TGM2: variants seen among roughly 807,000 people sequenced by gnomAD.
TGM2 encodes the protein transglutaminase 2.
In TGM2, 53 loss-of-function variants were observed where a neutral mutation model predicts 75.6. The ratio of observed to expected loss-of-function variants is 0.70; its 90% CI spans 0.56 to 0.88. The LOEUF (loss-of-function observed/expected upper bound fraction) is 0.88. Among genes scored for constraint, TGM2 ranks in the 40% least tolerant of loss-of-function variants. The pLI is 0.00. For synonymous variants in TGM2, 374 were observed against 381.1 expected (o/e 0.98, Z 0.22); for missense variants, 842 against 928.5 (o/e 0.91, Z 1.21).
At chr20:38,143,573 A>G (rs1427755947) in intron 6 of TGM2, among the ~76,000 whole-genome samples, 5 of 152,148 alleles carry the variant, frequency 3.3e-5, no homozygotes, top group Non-Finnish European at 5.9e-5. Flanking sequence ...AGAGGCGAGG[A>G]GCACAGGGGA....
At chr20:38,151,851 T>C (rs1003370069) in intron 3 of TGM2, among the ~76,000 whole-genome samples, 1 of 152,146 alleles carries the variant, frequency 6.6e-6, no homozygotes, top group African/African-American at 2.4e-5. Context: ...GGGCATTTAG[T>C]TGTCTGTGGC....
intron 8 of TGM2, 134 bp from the exon 9 acceptor site, chr20:38,139,788 TC>T: frequency 1.7e-6 from 2 of 1,197,166 alleles, no homozygotes; most frequent in Non-Finnish European, 2.3e-6. Flanking sequence ...GGACTCCACT[TC>T]CAGGAGGGCA....
At chr20:38,152,429 T>C (rs1420536855) in intron 3 of TGM2, among the ~76,000 whole-genome samples, 1 of 152,218 alleles carries the variant, frequency 6.6e-6, no homozygotes, top group Non-Finnish European at 1.5e-5. Context: ...TGAACTATAA[T>C]GGCTCTGCAG....
At chr20:38,130,729 G>A (rs1271398491) in intron 12 of TGM2, among the ~76,000 whole-genome samples, 1 of 152,246 alleles carries the variant, frequency 6.6e-6, no homozygotes, top group Non-Finnish European at 1.5e-5. Context: ...TCGTATGTAT[G>A]TGTGCAGCTA....
intron 2 of TGM2, among the ~76,000 whole-genome samples, chr20:38,158,042 C>T (rs1022030214): frequency 2.0e-5 from 3 of 152,150 alleles, no homozygotes; most frequent in South Asian, 4.1e-4. Context: ...CCTCAGTTTA[C>T]GCCTGTGGTC....
rs747555310 is a variant in TGM2, at chr20:38,132,536, A to G, written c.1616-36T>C. The G allele has an allele frequency of 1.9e-6, 3 of 1,613,146 alleles. No individual in the cohort carries two copies. The African/African-American group carries it at 4.0e-5, about 22-fold the overall frequency. ...GGAGAAAGGAGGGTGCTCATGATGC[A>G]GAATCACCCCTCCCAACTCTCTTGC... On this transcript the variant is annotated intron_variant, in intron 10 of 12. Coordinates refer to ENST00000361475, the MANE Select transcript of TGM2 (RefSeq NM_004613.4).
At chr20:38,156,432 TC>T (rs1409374833) in intron 2 of TGM2, among the ~76,000 whole-genome samples, 2 of 152,260 alleles carry the variant, frequency 1.3e-5, no homozygotes. Context: ...AGCCCATCCC[TC>T]TCTCTGGGAT....
Position 38,132,484 on chromosome 20 carries a change from A to G in TGM2, c.1632T>C (p.Leu544=), listed in dbSNP as rs139696620. ...LEPFSEKSVP[L]CILYEKYRDC... ...CACGGTATTTCTCATAGAGGATGCA[A>G]AGAGGAACGCTCTTCTCTGCAGAAG... The change falls in exon 11 of 13, where the codon CTT becomes CTC. Residue 544 remains leucine, a synonymous_variant. Coordinates refer to ENST00000361475, the MANE Select transcript of TGM2 (RefSeq NM_004613.4). The G allele has an allele frequency of 4.9e-4, 796 of 1,614,104 alleles. No homozygotes were observed. The highest frequency in any genetic ancestry group is 1.0e-3 in the Admixed American group (60 of 60,016).
At chr20:38,160,301 C>T (rs2075238280) in intron 2 of TGM2, among the ~76,000 whole-genome samples, 1 of 152,242 alleles carries the variant, frequency 6.6e-6, no homozygotes. Context: ...ATGGCTGCCA[C>T]CAGAAACCAG....
At chr20:38,152,677 T>C (rs571462786) in intron 3 of TGM2, among the ~76,000 whole-genome samples, 1 of 152,314 alleles carries the variant, frequency 6.6e-6, no homozygotes, top group African/African-American at 2.4e-5. Context: ...AGGGTCCCAT[T>C]TTCCAGGCAG....
In TGM2 at chr20:38,134,127, G is replaced by C. The variant is rs897367779; in HGVS notation, c.1616-1627C>G. 2.0e-5 allele frequency among the ~76,000 whole-genome samples: 3 copies of C among 152,218 alleles called. No individual in the cohort carries two copies. The South Asian group carries it at 6.2e-4, about 32-fold the overall frequency. On this transcript the variant is annotated intron_variant, in intron 10 of 12. Coordinates refer to ENST00000361475, the MANE Select transcript of TGM2 (RefSeq NM_004613.4). ...TCACCAGAAGGACGGATTGAGACCC[G>C]AGGAGACAGTCACTTTCTCACTGTG...
intron 10 of TGM2, among the ~76,000 whole-genome samples, chr20:38,134,679 C>T (rs918735096): frequency 1.3e-5 from 2 of 152,104 alleles, no homozygotes; most frequent in African/African-American, 4.8e-5. Context: ...TCCTGTGACC[C>T]ACCTGGAGGG....
At chr20:38,146,979 G>T (rs1038872438) in intron 5 of TGM2, 85 bp from the exon 6 acceptor site, 2 of 1,454,908 alleles carry the variant, frequency 1.4e-6, no homozygotes, top group Admixed American at 1.9e-5. Context: ...ACAGCAGGGG[G>T]TGAAAGCTGG....
At chr20:38,139,758 C>T (rs748647192) in intron 8 of TGM2, 104 bp from the exon 9 acceptor site, 2 of 1,474,948 alleles carry the variant, frequency 1.4e-6, no homozygotes, top group Non-Finnish European at 1.8e-6. Flanking sequence ...ACCTCAAGAC[C>T]ACGCGGCCCT....
intron 10 of TGM2, among the ~76,000 whole-genome samples, chr20:38,135,909 G>A (rs764689310): frequency 6.6e-6 from 1 of 152,164 alleles, no homozygotes; most frequent in South Asian, 2.1e-4. Flanking sequence ...GGCTGCGGGC[G>A]CATCAGGCAG....
upstream of TGM2, among the ~76,000 whole-genome samples, chr20:38,166,818 G>A (rs900034720): frequency 3.3e-5 from 5 of 152,144 alleles, no homozygotes; most frequent in Admixed American, 6.5e-5. Flanking sequence ...CAGCTGACCC[G>A]TAATTGCCCC....
At chr20:38,146,477 A>G (rs767154148) in intron 6 of TGM2, 2 of 587,130 alleles carry the variant, frequency 3.4e-6, no homozygotes, top group South Asian at 2.0e-5. Flanking sequence ...CCAGTGCCCA[A>G]GTTCTCAGCC....
At chr20:38,140,401 C>A (rs889755598) in intron 8 of TGM2, among the ~76,000 whole-genome samples, 1 of 152,220 alleles carries the variant, frequency 6.6e-6, no homozygotes, top group African/African-American at 2.4e-5. Flanking sequence ...ATGTTCCATG[C>A]CGCTGGAGGT....
Position 38,131,174 on chromosome 20 carries a change from T to C in TGM2, c.1832A>G (p.Asn611Ser). 6.2e-7 allele frequency: 1 copy of C among 1,613,750 alleles called. No individual in the cohort carries two copies. Among genetic ancestry groups the C allele is most frequent in the Non-Finnish European group, 8.5e-7 (1 of 1,179,974 alleles). Residue 611 changes from asparagine (N) to serine (S), a missense_variant, in exon 12 of 13, where the codon AAC (asparagine) becomes AGC (serine). Physicochemically the swap from Asn to Ser is conservative, Grantham distance 46. Transcript: ENST00000361475. ...RKLVAEVSLQ[N>S]PLPVALEGCT... ...GCCTTCCAGGGCCACAGGGAGCGGG[T>C]TCTGCAGGGACACCTCAGCCACCAG...
Sources: gnomAD v4.1 joint callset for allele counts (sites outside exome capture counted in the v4.1 genomes callset) on GRCh38, gnomAD v4.1.1 for gene constraint, MANE v1.5 for transcripts, NCBI Gene and HGNC (gene_info 2026-07-23, HGNC 2026-07-21) for gene names.